The following PRKN variants were observed in gnomAD, a reference collection of about 807,000 sequenced individuals.
The protein encoded by PRKN is parkin RBR E3 ubiquitin protein ligase.
In PRKN, 56 loss-of-function variants were observed where a neutral mutation model predicts 59.5. That is an observed-to-expected ratio of 0.94 (90% CI 0.76 to 1.18). PRKN has a LOEUF of 1.18. Among genes scored for constraint, PRKN ranks in the 50% most tolerant of loss-of-function variants. The probability of loss-of-function intolerance (pLI) is 0.00; values close to 1 mark genes in which losing one functional copy is unlikely to be tolerated. For synonymous variants in PRKN, 250 were observed against 222.1 expected (o/e 1.13, Z -1.12); for missense variants, 657 against 596.4 (o/e 1.10, Z -1.06).
At chr6:162,223,612 G>GACACACACACACACACAC (rs34881644) in intron 3 of PRKN, among the ~76,000 whole-genome samples, 1 of 129,248 alleles carries the variant, frequency 7.7e-6, no homozygotes, top group Non-Finnish European at 1.6e-5. Context: ...ATAGACACGT[G>GACACACACACACACACAC]ACACACACAC....
intron 6 of PRKN, among the ~76,000 whole-genome samples, chr6:161,928,915 C>A (rs1583359106): frequency 6.6e-6 from 1 of 152,116 alleles, no homozygotes; most frequent in South Asian, 2.1e-4. Flanking sequence ...GGCTCAAGCA[C>A]CTCAAAAAGT....
intron 4 of PRKN, among the ~76,000 whole-genome samples, chr6:162,190,061 G>A (rs1443902697): frequency 6.6e-6 from 1 of 152,042 alleles, no homozygotes; most frequent in Non-Finnish European, 1.5e-5. Context: ...CTAGCCGTGG[G>A]AGAACCCGTA....
At chr6:162,414,811 T>C (rs1788545176) in intron 2 of PRKN, among the ~76,000 whole-genome samples, 1 of 151,426 alleles carries the variant, frequency 6.6e-6, no homozygotes. Context: ...GACATATATA[T>C]AGTGAGCATT....
In PRKN at chr6:161,396,429, T is replaced by G. The variant is rs148862726; in HGVS notation, c.1084-9552A>C. Among the ~76,000 whole-genome samples, 2,772 of 152,288 alleles carry G rather than the reference T, an allele frequency of 0.018. 41 individuals are homozygous for G. The highest frequency in any genetic ancestry group is 0.038 in the Admixed American group (577 of 15,302). On this transcript the variant is annotated intron_variant, in intron 9 of 11. Coordinates refer to ENST00000366898, the MANE Select transcript of PRKN (RefSeq NM_004562.3). This position sits in a 1 kb window ranked among gnomAD's most constrained non-coding sequence, Gnocchi z 5.4. ...CTTTAAAATGAGCATTTCTCAGACCTTATGGAGCAGTTGGCTCCTTCTAGA... is the reference window on the plus strand; with the variant it reads ...CTTTAAAATGAGCATTTCTCAGACCGTATGGAGCAGTTGGCTCCTTCTAGA...
intron 2 of PRKN, among the ~76,000 whole-genome samples, chr6:162,277,260 C>G (rs989917723): frequency 1.3e-5 from 2 of 152,152 alleles, no homozygotes; most frequent in Admixed American, 1.3e-4. Flanking sequence ...AGGGTTATTT[C>G]TGCAATGGGA....
chr6:162,225,730 A>C (rs1778140862), intron 3 of PRKN, among the ~76,000 whole-genome samples: 1 of 152,110 alleles, frequency 6.6e-6, no homozygotes, highest in Non-Finnish European at 1.5e-5. Flanking sequence ...AACCCACAGT[A>C]ACAAAATTGA....
chr6:162,116,723 G>T (rs1780691032), intron 4 of PRKN, among the ~76,000 whole-genome samples: 1 of 152,158 alleles, frequency 6.6e-6, no homozygotes, highest in African/African-American at 2.4e-5. Flanking sequence ...AGGAAATATA[G>T]AACAGCAATA....
At chr6:162,273,748 C>T (rs1780490489) in intron 2 of PRKN, among the ~76,000 whole-genome samples, 1 of 152,112 alleles carries the variant, frequency 6.6e-6, no homozygotes, top group African/African-American at 2.4e-5. Flanking sequence ...ACTCACCTAT[C>T]CAGAAGTTGC....
chr6:162,654,166 C>A (rs1327385100), intron 1 of PRKN, among the ~76,000 whole-genome samples: 2 of 152,196 alleles, frequency 1.3e-5, no homozygotes, highest in Non-Finnish European at 2.9e-5. Flanking sequence ...GTGATAGGAT[C>A]AAGTCTAACA....
At chr6:162,304,249 TAGTC>T (rs1665835050) in intron 2 of PRKN, among the ~76,000 whole-genome samples, 1 of 150,800 alleles carries the variant, frequency 6.6e-6, no homozygotes, top group South Asian at 2.1e-4. Flanking sequence ...CTCGTCTAAA[TAGTC>T]AGTTTTCATC....
At chr6:161,767,895 A>G (rs932365455) in intron 7 of PRKN, among the ~76,000 whole-genome samples, 5 of 152,108 alleles carry the variant, frequency 3.3e-5, no homozygotes, top group African/African-American at 1.2e-4. Flanking sequence ...TGGTATCCCT[A>G]GAGTATCCAT....
intron 6 of PRKN, among the ~76,000 whole-genome samples, chr6:161,872,076 G>A (rs758957430): frequency 2.6e-5 from 4 of 152,058 alleles, no homozygotes; most frequent in African/African-American, 7.2e-5. Flanking sequence ...CACAGCAGAC[G>A]CATTTCAGCC....
intron 7 of PRKN, among the ~76,000 whole-genome samples, chr6:161,731,574 T>C (rs1057305839): frequency 2.6e-5 from 4 of 152,242 alleles, no homozygotes; most frequent in African/African-American, 9.6e-5. Flanking sequence ...TTTTGAATGT[T>C]TGTTTATCTA....
At chr6:161,859,707 G>T (rs1793813042) in intron 6 of PRKN, among the ~76,000 whole-genome samples, 1 of 151,346 alleles carries the variant, frequency 6.6e-6, no homozygotes, top group South Asian at 2.1e-4. Context: ...GGTGACATTT[G>T]TAAAGGTCCC....
chr6:161,777,757 GTATATGTA>G (rs201718338), intron 7 of PRKN, among the ~76,000 whole-genome samples: 33 of 135,264 alleles, frequency 2.4e-4, no homozygotes, highest in African/African-American at 3.8e-4. Context: ...AGATATATAT[GTATATGTA>G]TATATGTATA....
intron 2 of PRKN, among the ~76,000 whole-genome samples, chr6:162,289,928 A>C (rs993036793): frequency 6.6e-6 from 1 of 152,148 alleles, no homozygotes; most frequent in Non-Finnish European, 1.5e-5. Flanking sequence ...CTAAATTGAA[A>C]CAGAATGACC....
At chr6:162,461,598 A>G (rs1791181732) in intron 1 of PRKN, among the ~76,000 whole-genome samples, 1 of 150,808 alleles carries the variant, frequency 6.6e-6, no homozygotes, top group East Asian at 2.0e-4. Flanking sequence ...AGGTGGGTGG[A>G]TCACTTGAGG....
chr6:162,144,542 C>T (rs1781930980), intron 4 of PRKN, among the ~76,000 whole-genome samples: 1 of 152,144 alleles, frequency 6.6e-6, no homozygotes, highest in African/African-American at 2.4e-5. Flanking sequence ...TTCCTGGGAG[C>T]TGGCTTCCCT....
intron 4 of PRKN, among the ~76,000 whole-genome samples, chr6:162,146,570 T>C (rs1782038334): frequency 6.6e-6 from 1 of 151,896 alleles, no homozygotes; most frequent in South Asian, 2.1e-4. Context: ...AGTTGCACCA[T>C]CTCAGCTCAC....
Sources: gnomAD v4.1 joint callset for allele counts (sites outside exome capture counted in the v4.1 genomes callset) on GRCh38, gnomAD v4.1.1 for gene constraint, Gnocchi (gnomAD v3.1) non-coding constraint, MANE v1.5 for transcripts, NCBI Gene and HGNC (gene_info 2026-07-23, HGNC 2026-07-21) for gene names.